The following GTF2IRD1 variants were observed in gnomAD, a reference collection of about 807,000 sequenced individuals.
The protein encoded by GTF2IRD1 is general transcription factor II-I repeat domain-containing protein 1.
GTF2IRD1 carries 26 observed loss-of-function variants against 113.2 expected under a neutral mutation model. The observed-to-expected ratio is 0.23, with a 90% confidence interval of 0.17 to 0.32. The LOEUF (loss-of-function observed/expected upper bound fraction) is 0.32. Ranked by LOEUF, GTF2IRD1 falls within the 10% of genes least tolerant of loss-of-function variation. The probability of loss-of-function intolerance (pLI) is 1.00; values close to 1 mark genes in which losing one functional copy is unlikely to be tolerated. For synonymous variants in GTF2IRD1, 484 were observed against 529.1 expected, an observed-to-expected ratio of 0.91 and a Z score of 1.17; for missense variants, 864 against 1,280.8, an observed-to-expected ratio of 0.67 and a Z score of 4.97.
rs1799556637 is a variant in GTF2IRD1 at position 74,555,803 on chromosome 7, T to C, written c.2023+309T>C. ...CCTTTTTCAGCAATCAGCTGTGGTC[T>C]TAGTGCTTTGAAATCAGAATAGGAG... On this transcript the variant is annotated intron_variant, in intron 19 of 26. Transcript: ENST00000424337. This position sits in a 1 kb window ranked among gnomAD's most constrained non-coding sequence, Gnocchi z 5.3. Among the ~76,000 whole-genome samples the C allele has an allele frequency of 6.6e-6, 1 of 152,006 alleles. No homozygotes were observed. The highest frequency in any genetic ancestry group is 2.1e-4 in the South Asian group (1 of 4,828).
At chr7:74,577,219 AG>A (rs1452492101) in intron 22 of GTF2IRD1, among the ~76,000 whole-genome samples, 3 of 152,072 alleles carry the variant, frequency 2.0e-5, no homozygotes, top group African/African-American at 7.2e-5. Context: ...TTGTATTTTT[AG>A]TAGAGACGGG....
intron 1 of GTF2IRD1, among the ~76,000 whole-genome samples, chr7:74,485,041 C>T (rs1562790777): frequency 6.6e-6 from 1 of 152,152 alleles, no homozygotes; most frequent in Non-Finnish European, 1.5e-5. Context: ...GAGACTTCTT[C>T]TGGCCTCAGA....
chr7:74,545,191 G>A (rs1214007419), intron 15 of GTF2IRD1, among the ~76,000 whole-genome samples: 1 of 152,098 alleles, frequency 6.6e-6, no homozygotes, highest in Non-Finnish European at 1.5e-5. Context: ...CCCATTCTCA[G>A]GAACGTGAGA....
intron 1 of GTF2IRD1, among the ~76,000 whole-genome samples, chr7:74,465,011 A>G (rs1793623718): frequency 6.6e-6 from 1 of 152,154 alleles, no homozygotes; most frequent in Non-Finnish European, 1.5e-5. Context: ...CCGCCCACCC[A>G]CCTGGCTCCA....
intron 11 of GTF2IRD1, among the ~76,000 whole-genome samples, chr7:74,537,460 A>T (rs1554350514): frequency 6.6e-6 from 1 of 151,796 alleles, no homozygotes; most frequent in African/African-American, 2.4e-5. Flanking sequence ...CATACCTACT[A>T]CATGCATACA....
At chr7:74,556,370 G>A (rs1799595288) in intron 19 of GTF2IRD1, among the ~76,000 whole-genome samples, 1 of 151,886 alleles carries the variant, frequency 6.6e-6, no homozygotes, top group African/African-American at 2.4e-5. Context: ...GCCCAGGCTG[G>A]AGTGCAATGG....
At chr7:74,462,524 C>G (rs1793439229) in intron 1 of GTF2IRD1, among the ~76,000 whole-genome samples, 1 of 152,252 alleles carries the variant, frequency 6.6e-6, no homozygotes, top group Non-Finnish European at 1.5e-5. Flanking sequence ...CTTCTGGTCC[C>G]TGAGTAGTGT....
intron 1 of GTF2IRD1, among the ~76,000 whole-genome samples, chr7:74,499,872 A>G (rs1554338979): frequency 6.6e-6 from 1 of 152,224 alleles, no homozygotes; most frequent in Admixed American, 6.5e-5. Context: ...ACACAAAGGA[A>G]TGAATGAGTG....
At position 74,602,167 on chromosome 7, in the gene GTF2IRD1, G is replaced by A. The variant is rs587733504; in HGVS notation, c.2767-198G>A. 221 of 463,246 alleles carry A rather than the reference G, an allele frequency of 4.8e-4. 1 individual carries two copies. Among genetic ancestry groups the A allele is most frequent in the African/African-American group, 3.7e-3 (182 of 49,824 alleles). The allele number at this position is 463,246 out of a possible 1,614,324, so 28.7% of individuals were successfully genotyped here. ...TGAGGCAGGAGACTCGCTTGAACCC[G>A]CGGGGCCAAGGTTGCAGTGAGCCGA... On this transcript the variant is annotated intron_variant, in intron 26 of 26. Coordinates refer to ENST00000424337, the MANE Select transcript of GTF2IRD1 (RefSeq NM_005685.4).
intron 1 of GTF2IRD1, among the ~76,000 whole-genome samples, chr7:74,466,926 G>T (rs1368389645): frequency 1.3e-5 from 2 of 151,794 alleles, no homozygotes; most frequent in Non-Finnish European, 2.9e-5. Flanking sequence ...CATGAAGGGT[G>T]GGGGCCTCCT....
At chr7:74,480,847 C>G (rs1554334486) in intron 1 of GTF2IRD1, among the ~76,000 whole-genome samples, 1 of 152,184 alleles carries the variant, frequency 6.6e-6, no homozygotes, top group African/African-American at 2.4e-5. Flanking sequence ...GATGCACAGC[C>G]CGAGCTGAGA....
At position 74,559,666 on chromosome 7, in the gene GTF2IRD1, C is replaced by T. The variant is rs1554358474; in HGVS notation, c.2320+11C>T. ...TCATCCCAAAGCCTGGTAAGAGGCA[C>T]TGGCTGTGGAGGGGGCACTGGGAAT... On this transcript the variant is annotated intron_variant, in intron 22 of 26. Coordinates refer to ENST00000424337, the MANE Select transcript of GTF2IRD1 (RefSeq NM_005685.4). 1 of 1,592,788 alleles carries T rather than the reference C, an allele frequency of 6.3e-7. No individual in the cohort carries two copies. The highest frequency in any genetic ancestry group is 1.8e-5 in the Admixed American group (1 of 56,908).
intron 11 of GTF2IRD1, among the ~76,000 whole-genome samples, chr7:74,537,124 A>G (rs1798343514): frequency 6.6e-6 from 1 of 151,854 alleles, no homozygotes; most frequent in Non-Finnish European, 1.5e-5. Flanking sequence ...AAATACAAAC[A>G]TGCAGCTGGG....
At chr7:74,602,035 A>T (rs1802795062) in intron 26 of GTF2IRD1, 1 of 185,490 alleles carries the variant, frequency 5.4e-6, no homozygotes, top group Admixed American at 5.7e-5. Flanking sequence ...GAGGCTCAGG[A>T]GTTCAAGACC....
chr7:74,530,466 G>A (rs2130453202), intron 9 of GTF2IRD1, among the ~76,000 whole-genome samples: 1 of 151,260 alleles, frequency 6.6e-6, no homozygotes, highest in African/African-American at 2.4e-5. Context: ...TGCAGGCACG[G>A]TGTCTGGCCT....
intron 22 of GTF2IRD1, chr7:74,572,531 G>A (rs1378737452): frequency 1.0e-6 from 1 of 965,262 alleles, no homozygotes; most frequent in Non-Finnish European, 1.2e-6. Context: ...ACTGTCTTTG[G>A]GTCTCCATTT....
chr7:74,517,699 C>T (rs1265477187), intron 4 of GTF2IRD1, among the ~76,000 whole-genome samples: 3 of 152,206 alleles, frequency 2.0e-5, no homozygotes, highest in East Asian at 1.9e-4. Flanking sequence ...GGATGACAGG[C>T]GTGAGCCACC....
In GTF2IRD1 at chr7:74,555,839, C is replaced by T. The variant is rs1432894158; in HGVS notation, c.2023+345C>T. Reference sequence around the variant, plus strand: ...AAATCAGAATAGGAGCCAGACGCGGCACCTCACGCCTGTAATCTCAGCACT... The same window carrying T: ...AAATCAGAATAGGAGCCAGACGCGGTACCTCACGCCTGTAATCTCAGCACT... On this transcript the variant is annotated intron_variant, in intron 19 of 26. Transcript: ENST00000424337. The surrounding 1 kb of genome is among the most constrained non-coding windows in gnomAD (Gnocchi z 5.3). Among the ~76,000 whole-genome samples the T allele has an allele frequency of 7.9e-5, 12 of 152,302 alleles. No homozygotes were observed. The highest frequency in any genetic ancestry group is 2.6e-4 in the African/African-American group (11 of 41,570).
intron 22 of GTF2IRD1, among the ~76,000 whole-genome samples, chr7:74,586,789 C>T (rs1175519309): frequency 3.9e-5 from 6 of 152,192 alleles, no homozygotes; most frequent in Non-Finnish European, 7.3e-5. Flanking sequence ...CAGAGCACCA[C>T]GCCAGGAGAT....
Sources: gnomAD v4.1 joint callset for allele counts (sites outside exome capture counted in the v4.1 genomes callset) on GRCh38, gnomAD v4.1.1 for gene constraint, Gnocchi (gnomAD v3.1) non-coding constraint, MANE v1.5 for transcripts, NCBI Gene and HGNC (gene_info 2026-07-23, HGNC 2026-07-21) for gene names.